Variants in NELL2 observed in about 807,000 individuals in gnomAD.
NELL2 encodes protein kinase C-binding protein NELL2.
A neutral mutation model predicts 109.6 loss-of-function variants in NELL2; 41 were observed. The ratio of observed to expected loss-of-function variants is 0.37; its 90% CI spans 0.29 to 0.49. The LOEUF is 0.49. NELL2 is among the 20% of genes least tolerant of loss of function. The probability of loss-of-function intolerance (pLI) is 0.98; values close to 1 mark genes in which losing one functional copy is unlikely to be tolerated. For missense variants in NELL2, 900 were observed against 1,008.3 expected (o/e 0.89, Z 1.45); for synonymous variants, 355 against 344.7 (o/e 1.03, Z -0.33).
intron 14 of NELL2, among the ~76,000 whole-genome samples, chr12:44,609,988 A>G (rs529942303): frequency 1.3e-5 from 2 of 152,102 alleles, no homozygotes; most frequent in African/African-American, 2.4e-5. Context: ...ACAGTTTCCA[A>G]AAAGGTCTTC....
intron 18 of NELL2, 27 bp downstream of exon 18, chr12:44,521,973 C>A (rs1339668337): frequency 1.2e-6 from 2 of 1,607,210 alleles, no homozygotes. Context: ...CCTAAATTTT[C>A]TTTCCACTTC....
At chr12:44,534,681 T>C (rs1236830321) in intron 15 of NELL2, among the ~76,000 whole-genome samples, 1 of 152,272 alleles carries the variant, frequency 6.6e-6, no homozygotes, top group South Asian at 2.1e-4. Flanking sequence ...CTTAAGTGCA[T>C]GGACAAAAGA....
chr12:44,626,814 TTC>T (rs1189144552), intron 13 of NELL2, among the ~76,000 whole-genome samples: 1 of 152,172 alleles, frequency 6.6e-6, no homozygotes, highest in African/African-American at 2.4e-5. Flanking sequence ...TTATCTTTAC[TTC>T]CAGTCCAGCA....
chr12:44,680,270 A>T (rs188455376), intron 12 of NELL2, among the ~76,000 whole-genome samples: 2 of 152,222 alleles, frequency 1.3e-5, no homozygotes, highest in Admixed American at 6.5e-5. Flanking sequence ...ACTGGATTGC[A>T]TTGTTAGTTT....
At chr12:44,581,677 A>C (rs201976100) in intron 15 of NELL2, among the ~76,000 whole-genome samples, 2 of 145,680 alleles carry the variant, frequency 1.4e-5, no homozygotes, top group Admixed American at 1.4e-4. Context: ...TGTTTTGAAA[A>C]GTGAAAAGTA....
At chr12:44,644,958 G>A (rs1328945978) in intron 13 of NELL2, among the ~76,000 whole-genome samples, 3 of 151,908 alleles carry the variant, frequency 2.0e-5, no homozygotes, top group African/African-American at 7.3e-5. Flanking sequence ...AGTGGATGGG[G>A]AAGAGACTAT....
chr12:44,675,807 C>A lies in NELL2; in HGVS notation c.1319-10198G>T, dbSNP rs571667060. Among the ~76,000 whole-genome samples the A allele has an allele frequency of 2.0e-5, 3 of 152,188 alleles. No individual in the cohort carries two copies. In the East Asian group the frequency reaches 5.8e-4, roughly 29 times the overall value. On this transcript the variant is annotated intron_variant, in intron 12 of 19. Coordinates refer to ENST00000429094, the MANE Select transcript of NELL2 (RefSeq NM_001145108.2). ...AGATCTGTGTTTTTGGAAGATCCCT[C>A]TAGGACAGGCTTATATAGTTAATGA... is the stretch of plus-strand genomic sequence containing the variant.
intron 1 of NELL2, among the ~76,000 whole-genome samples, chr12:44,892,341 C>T (rs1945543853): frequency 6.6e-6 from 1 of 152,156 alleles, no homozygotes; most frequent in African/African-American, 2.4e-5. Context: ...ATCACCACCA[C>T]CATGCTACTA....
chr12:44,781,262 G>A (rs1390544588), intron 3 of NELL2, among the ~76,000 whole-genome samples: 1 of 151,846 alleles, frequency 6.6e-6, no homozygotes, highest in African/African-American at 2.4e-5. Context: ...AAAGCTCAGT[G>A]GATAAAGCTA....
chr12:44,634,818 A>G (rs1426146804), intron 13 of NELL2, among the ~76,000 whole-genome samples: 1 of 151,990 alleles, frequency 6.6e-6, no homozygotes, highest in Non-Finnish European at 1.5e-5. Flanking sequence ...ATTTCTCCAC[A>G]TCCCCTCTAG....
At position 44,737,933 on chromosome 12, in the gene NELL2, A is replaced by T. The variant is rs990603163; in HGVS notation, c.995-23192T>A. ...ACAGACTACAGATTAACAAGGTAAA[A>T]ATACAGACCAGCTGCTGAGAGACTA... On this transcript the variant is annotated intron_variant, in intron 9 of 19. Transcript: ENST00000429094. Among the ~76,000 whole-genome samples the T allele has an allele frequency of 8.5e-5, 13 of 152,312 alleles. No individual in the cohort carries two copies. In the East Asian group the frequency reaches 1.9e-3, roughly 23 times the overall value.
chr12:44,766,111 GC>G (rs1941324710), intron 9 of NELL2, among the ~76,000 whole-genome samples: 1 of 151,492 alleles, frequency 6.6e-6, no homozygotes, highest in Admixed American at 6.6e-5. Flanking sequence ...AGAAAGAAAT[GC>G]ATCTGAATTC....
intron 13 of NELL2, among the ~76,000 whole-genome samples, chr12:44,634,166 A>G (rs1443453200): frequency 6.6e-6 from 1 of 152,074 alleles, no homozygotes; most frequent in African/African-American, 2.4e-5. Flanking sequence ...AACATCTATC[A>G]TTCATTTCTT....
chr12:44,713,203 CACACACACACACAGAGAGAG>C (rs1190956643), intron 10 of NELL2, among the ~76,000 whole-genome samples: 2 of 148,442 alleles, frequency 1.3e-5, no homozygotes, highest in Non-Finnish European at 3.0e-5. Context: ...CACACACACA[CACACACACACACAGAGAGAG>C]ACAGAGAGAG....
At chr12:44,711,440 C>G in intron 10 of NELL2, 46 bp from the exon 11 acceptor site, 2 of 1,518,448 alleles carry the variant, frequency 1.3e-6, no homozygotes, top group South Asian at 1.1e-5. Context: ...ATCATTAGGA[C>G]TTGTTAAGAA....
intron 3 of NELL2, among the ~76,000 whole-genome samples, chr12:44,786,421 GT>G (rs1942173293): frequency 6.6e-6 from 1 of 152,180 alleles, no homozygotes; most frequent in Admixed American, 6.5e-5. Flanking sequence ...ATTTTACATT[GT>G]TGATGGGAAT....
chr12:44,523,326 A>G lies in NELL2; in HGVS notation c.1963T>C (p.Leu655=), dbSNP rs146099301. The G allele has an allele frequency of 9.6e-4, 1,550 of 1,614,170 alleles. 3 individuals carry two copies. The highest frequency in any genetic ancestry group is 1.8e-3 in the Admixed American group (108 of 60,030). ...CACACAGAGCACCTGTCATTTTCCA[A>G]CACCCAAATCTGACCATTGTGCTTA... ...KVKHNGQIWV[L]ENDRCSVCSC... The change falls in exon 17 of 20, where the codon TTG becomes CTG. Residue 655 remains leucine, a synonymous_variant. Coordinates refer to ENST00000429094, the MANE Select transcript of NELL2 (RefSeq NM_001145108.2).
At chr12:44,548,583 T>C (rs1305196336) in intron 15 of NELL2, among the ~76,000 whole-genome samples, 1 of 148,720 alleles carries the variant, frequency 6.7e-6, no homozygotes, top group Admixed American at 6.7e-5. Context: ...AGAAGGAAAA[T>C]AAAACACCAA....
chr12:44,590,164 T>C (rs765426115), intron 15 of NELL2, among the ~76,000 whole-genome samples: 10 of 152,158 alleles, frequency 6.6e-5, no homozygotes, highest in Non-Finnish European at 1.0e-4. Context: ...TGCTTACTTA[T>C]AGTTTAATTT....
Sources: gnomAD v4.1 joint callset for allele counts (sites outside exome capture counted in the v4.1 genomes callset) on GRCh38, gnomAD v4.1.1 for gene constraint, MANE v1.5 for transcripts, NCBI Gene and HGNC (gene_info 2026-07-23, HGNC 2026-07-21) for gene names.